MIA2: variants seen among roughly 807,000 people sequenced by gnomAD.
MIA2 encodes melanoma inhibitory activity protein 2.
MIA2 carries 127 observed loss-of-function variants against 167.8 expected under a neutral mutation model. The observed-to-expected ratio is 0.76, with a 90% CI of 0.66 to 0.88. The LOEUF is 0.88. MIA2 is among the 40% of genes least tolerant of loss of function. The pLI is 0.00. For missense variants in MIA2, 1,690 were observed against 1,624.7 expected (o/e 1.04, Z -0.69); for synonymous variants, 552 against 541.9 (o/e 1.02, Z -0.26).
At chr14:39,321,147 T>C (rs961792021) in intron 24 of MIA2, 91 bp downstream of exon 24, 93 of 1,324,920 alleles carry the variant, frequency 7.0e-5, no homozygotes, top group Middle Eastern at 4.0e-4. Flanking sequence ...TGTAAAATAT[T>C]TGGAAAATAC....
chr14:39,308,783 A>G (rs1220639884), intron 18 of MIA2, among the ~76,000 whole-genome samples, 196 bp downstream of exon 18: 1 of 152,176 alleles, frequency 6.6e-6, no homozygotes, highest in Non-Finnish European at 1.5e-5. Flanking sequence ...GTGATGTTGG[A>G]ATTTCCAAGC....
At chr14:39,386,901 C>T (rs536181303) in exon 24 of MIA2, 13 of 795,516 alleles carry the variant, frequency 1.6e-5, no homozygotes, top group South Asian at 2.8e-5. Context: ...GCTCTCCGCC[C>T]GGGGCAGGAG....
At chr14:39,347,447 C>T in intron 26 of MIA2, 1 of 422,134 alleles carries the variant, frequency 2.4e-6, no homozygotes, top group Non-Finnish European at 4.2e-6. Flanking sequence ...TGCTTCCTCC[C>T]AGATGTCTTC....
chr14:39,241,180 G>T (rs2054019885), intron 3 of MIA2, among the ~76,000 whole-genome samples: 1 of 152,122 alleles, frequency 6.6e-6, no homozygotes, highest in Non-Finnish European at 1.5e-5. Context: ...TTTTGCTGTT[G>T]GAGTTTTTCA....
intron 23 of MIA2, chr14:39,386,570 A>G (rs1457475088): frequency 7.3e-5 from 83 of 1,144,670 alleles, no homozygotes; most frequent in Non-Finnish European, 1.0e-4. Flanking sequence ...TCTCTTTGTT[A>G]TCATCACCTG....
chr14:39,386,666 A>G, intron 23 of MIA2: 4 of 1,114,438 alleles, frequency 3.6e-6, no homozygotes, highest in Non-Finnish European at 5.4e-6. Flanking sequence ...GTTCCAGATC[A>G]AAGACCTTCT....
At chr14:39,346,587 T>A (rs1273272289) in intron 26 of MIA2, among the ~76,000 whole-genome samples, 1 of 151,308 alleles carries the variant, frequency 6.6e-6, no homozygotes, top group Non-Finnish European at 1.5e-5. Flanking sequence ...GTTAAGAAAA[T>A]AAAAATTTTT....
intron 2 of MIA2, among the ~76,000 whole-genome samples, chr14:39,237,424 G>A (rs1158707348): frequency 2.6e-5 from 4 of 152,056 alleles, no homozygotes; most frequent in Admixed American, 6.5e-5. Flanking sequence ...CACCGCACCC[G>A]CCCAAGGATA....
intron 6 of MIA2, among the ~76,000 whole-genome samples, chr14:39,273,314 G>A (rs2057452339): frequency 6.8e-6 from 1 of 147,634 alleles, no homozygotes; most frequent in Non-Finnish European, 1.5e-5. Context: ...TCAGGTTGAG[G>A]AAATTCCCTC....
At chr14:39,286,175 G>C (rs1034498909) in intron 9 of MIA2, among the ~76,000 whole-genome samples, 18 of 152,262 alleles carry the variant, frequency 1.2e-4, no homozygotes, top group African/African-American at 3.4e-4. Context: ...GAGTGAACGA[G>C]ACTCCATCTG....
At chr14:39,377,030 C>T (rs185114298) in intron 23 of MIA2, among the ~76,000 whole-genome samples, 114 of 152,262 alleles carry the variant, frequency 7.5e-4, no homozygotes, top group Middle Eastern at 3.4e-3. Context: ...TTCTATTTTC[C>T]TTTCACATTT....
chr14:39,266,672 C>T (rs2055710761), intron 6 of MIA2: 1 of 985,610 alleles, frequency 1.0e-6, no homozygotes, highest in Non-Finnish European at 1.2e-6. Context: ...CCCCGCAGGC[C>T]ATTTTTCTGA....
intron 6 of MIA2, chr14:39,267,354 G>A: frequency 6.3e-7 from 1 of 1,578,124 alleles, no homozygotes; most frequent in Non-Finnish European, 8.6e-7. Flanking sequence ...TCCGGTTGCC[G>A]GGTGCGGATT....
intron 25 of MIA2, among the ~76,000 whole-genome samples, chr14:39,337,975 G>A (rs1021803087): frequency 1.8e-4 from 27 of 151,970 alleles, no homozygotes; most frequent in Admixed American, 8.5e-4. Context: ...CACCCACCTC[G>A]GCCTCCCAAA....
At chr14:39,346,789 A>G (rs915381645) in intron 26 of MIA2, 1 of 173,796 alleles carries the variant, frequency 5.8e-6, no homozygotes, top group African/African-American at 2.4e-5. Flanking sequence ...AATTTTTTGT[A>G]AAGATGAGGT....
intron 21 of MIA2, 126 bp downstream of exon 21, chr14:39,315,844 C>CA (rs1329427402): frequency 3.1e-6 from 2 of 649,326 alleles, no homozygotes; most frequent in African/African-American, 3.7e-5. Flanking sequence ...TTTAATTTTA[C>CA]AAGTAGTGAA....
chr14:39,350,388 A>T lies in MIA2; in HGVS notation c.*124A>T. 1 of 491,174 alleles carries T rather than the reference A, an allele frequency of 2.0e-6. No individual in the cohort carries two copies. Among genetic ancestry groups the T allele is most frequent in the Non-Finnish European group, 3.7e-6 (1 of 272,906 alleles). 30.4% of individuals were successfully genotyped at this position (491,174 alleles called of 1,614,324 possible). The stretch of plus-strand genomic sequence containing the variant: ...GCTTAATGGAATTATAATTCTCAGG[A>T]TAGTATTTTGTAAATAAAGATGATT... On this transcript the variant is annotated 3_prime_UTR_variant, in exon 29 of 29. Coordinates refer to ENST00000640607, the MANE Select transcript of MIA2 (RefSeq NM_001329214.4).
intron 23 of MIA2, among the ~76,000 whole-genome samples, chr14:39,381,364 T>A (rs965791144): frequency 6.6e-6 from 1 of 152,236 alleles, no homozygotes; most frequent in Non-Finnish European, 1.5e-5. Flanking sequence ...CACATCTTGA[T>A]AGCAGCTTTT....
At chr14:39,326,733 A>T in intron 24 of MIA2, 131 bp from the exon 25 acceptor site, 1 of 634,424 alleles carries the variant, frequency 1.6e-6, no homozygotes, top group Non-Finnish European at 2.4e-6. Context: ...ATAGCAATTT[A>T]CTTTCTACAC....
Sources: allele counts gnomAD v4.1 joint callset (sites outside exome capture counted in the v4.1 genomes callset), GRCh38; gene constraint gnomAD v4.1.1; transcripts MANE v1.5; gene names NCBI Gene and HGNC (gene_info 2026-07-23, HGNC 2026-07-21).